FNDC3B: variants seen among roughly 807,000 people sequenced by gnomAD.
The protein encoded by FNDC3B is fibronectin type III domain containing 3B, also known as fibronectin type III domain-containing protein 3B.
Under a neutral mutation model 151.5 loss-of-function variants are expected in FNDC3B, and 12 were observed. That is an observed-to-expected ratio of 0.08 (90% CI 0.05 to 0.13). The LOEUF (loss-of-function observed/expected upper bound fraction) is 0.13. FNDC3B is among the 10% of genes least tolerant of loss of function. The probability of loss-of-function intolerance (pLI) is 1.00; values close to 1 mark genes in which losing one functional copy is unlikely to be tolerated. For synonymous variants in FNDC3B, 528 were observed against 549.0 expected (o/e 0.96, Z 0.54); for missense variants, 1,214 against 1,505.3 (o/e 0.81, Z 3.20).
intron 25 of FNDC3B, among the ~76,000 whole-genome samples, chr3:172,392,504 C>T (rs939079996): frequency 1.3e-5 from 2 of 152,232 alleles, no homozygotes; most frequent in East Asian, 1.9e-4. Context: ...GCCTGGCCTC[C>T]GTTCCAGACC....
At chr3:172,119,739 C>G (rs904348690) in intron 2 of FNDC3B, among the ~76,000 whole-genome samples, 2 of 152,184 alleles carry the variant, frequency 1.3e-5, no homozygotes, top group African/African-American at 4.8e-5. Flanking sequence ...ACTTCTGCTA[C>G]TTAGTGTCTT....
At position 172,215,988 on chromosome 3, in the gene FNDC3B, G is replaced by C. The variant is rs188257354; in HGVS notation, c.188-10883G>C. On this transcript the variant is annotated intron_variant, in intron 3 of 25. Coordinates refer to ENST00000415807, the MANE Select transcript of FNDC3B (RefSeq NM_022763.4). Reference sequence around the variant, plus strand: ...CCTATTCACCTCTCCTGGGAACTCCGTCTTGAGTTTGTTATTAGCTGAAAT... The same window carrying C: ...CCTATTCACCTCTCCTGGGAACTCCCTCTTGAGTTTGTTATTAGCTGAAAT... Among the ~76,000 whole-genome samples the C allele has an allele frequency of 1.5e-4, 22 of 147,900 alleles. No individual in the cohort carries two copies. In the East Asian group the frequency reaches 4.1e-3, roughly 27 times the overall value.
chr3:172,186,870 G>A (rs992662530), intron 3 of FNDC3B: 1 of 588,522 alleles, frequency 1.7e-6, no homozygotes, highest in Non-Finnish European at 3.0e-6. Flanking sequence ...GGATTAAGTG[G>A]CCCACAGTCA....
At chr3:172,147,932 G>T (rs1209091309) in intron 3 of FNDC3B, among the ~76,000 whole-genome samples, 2 of 152,002 alleles carry the variant, frequency 1.3e-5, no homozygotes, top group South Asian at 2.1e-4. Context: ...TGACTTAAAA[G>T]ATTATTATTT....
intron 6 of FNDC3B, among the ~76,000 whole-genome samples, chr3:172,270,948 C>T (rs1042816269): frequency 6.6e-6 from 1 of 152,110 alleles, no homozygotes; most frequent in African/African-American, 2.4e-5. Flanking sequence ...AGTATGAAAC[C>T]CTTTTTTGAG....
At chr3:172,107,185 G>T (rs1490797949) in intron 1 of FNDC3B, among the ~76,000 whole-genome samples, 1 of 152,132 alleles carries the variant, frequency 6.6e-6, no homozygotes, top group Non-Finnish European at 1.5e-5. Context: ...AAGCACTTGC[G>T]GTTTTAGTGT....
chr3:172,074,266 G>A (rs887001613), intron 1 of FNDC3B, among the ~76,000 whole-genome samples: 5 of 152,154 alleles, frequency 3.3e-5, no homozygotes, highest in Non-Finnish European at 5.9e-5. Context: ...CCACAATTCC[G>A]CTAGGCTAGT....
At chr3:172,355,880 C>G (rs1734071401) in intron 22 of FNDC3B, among the ~76,000 whole-genome samples, 1 of 152,170 alleles carries the variant, frequency 6.6e-6, no homozygotes, top group African/African-American at 2.4e-5. Context: ...CAGGAATGGT[C>G]TGGTTGGCTG....
At chr3:172,181,672 T>C (rs1392540374) in intron 3 of FNDC3B, among the ~76,000 whole-genome samples, 1 of 151,220 alleles carries the variant, frequency 6.6e-6, no homozygotes, top group Non-Finnish European at 1.5e-5. Flanking sequence ...CTACTAAAAA[T>C]ACAAAAATTA....
Position 172,317,435 on chromosome 3 carries a change from C to T in FNDC3B, c.1254+6554C>T, listed in dbSNP as rs561254528. Among the ~76,000 whole-genome samples, 15 of 152,198 alleles carry T rather than the reference C, an allele frequency of 9.9e-5. 1 individual carries two copies. In the South Asian group the frequency reaches 2.5e-3, roughly 25 times the overall value. On this transcript the variant is annotated intron_variant, in intron 11 of 25. Transcript: ENST00000415807. ...TCCTGACCTCGTGATCCGCCTGCCT[C>T]GGCCTCCCAAAGTGCTGGGATTACA...
chr3:172,055,921 T>G (rs954940041), intron 1 of FNDC3B, among the ~76,000 whole-genome samples: 1 of 151,690 alleles, frequency 6.6e-6, no homozygotes, highest in African/African-American at 2.4e-5. Context: ...GCTGGGACTA[T>G]AGGCGCCCGC....
intron 3 of FNDC3B, among the ~76,000 whole-genome samples, chr3:172,148,963 A>G (rs1362524712): frequency 2.0e-5 from 3 of 152,242 alleles, no homozygotes; most frequent in African/African-American, 7.2e-5. Flanking sequence ...TTAGAAGGCA[A>G]GTAATTAACC....
intron 22 of FNDC3B, among the ~76,000 whole-genome samples, chr3:172,356,134 G>T (rs1016432592): frequency 1.3e-5 from 2 of 152,214 alleles, no homozygotes; most frequent in African/African-American, 4.8e-5. Context: ...ATGTTAGGCT[G>T]CCCAGAAGTG....
chr3:172,118,387 C>T lies in FNDC3B; in HGVS notation c.111+5797C>T, dbSNP rs1017388072. Among the ~76,000 whole-genome samples the T allele has an allele frequency of 5.9e-5, 9 of 152,266 alleles. No individual in the cohort carries two copies. In the South Asian group the frequency reaches 6.2e-4, roughly 11 times the overall value. ...CTGATAGCCACGGTGTCGGGGGACC[C>T]GTGAAGAGTTTTGCTTACATAACAG... On this transcript the variant is annotated intron_variant, in intron 2 of 25. Transcript: ENST00000415807.
rs149452533 is a variant in FNDC3B at position 172,294,279 on chromosome 3, G to A, written c.850-1084G>A. On this transcript the variant is annotated intron_variant, in intron 7 of 25. Coordinates refer to ENST00000415807, the MANE Select transcript of FNDC3B (RefSeq NM_022763.4). ...GTCTGTTCTCGCATTGCTATGAAGA[G>A]CTACCTGAGATTGGGTAATTTATGA... Among the ~76,000 whole-genome samples the A allele has an allele frequency of 5.3e-4, 80 of 152,274 alleles. 3 individuals carry two copies. The highest frequency in any genetic ancestry group is 1.9e-3 in the African/African-American group (77 of 41,548).
chr3:172,247,888 G>GT, intron 5 of FNDC3B, 112 bp downstream of exon 5: 1 of 1,253,616 alleles, frequency 8.0e-7, no homozygotes, highest in Non-Finnish European at 1.1e-6. Flanking sequence ...AAGGATCTAG[G>GT]TGGTTTGTAA....
At chr3:172,346,100 A>C (rs1733600639) in intron 19 of FNDC3B, 2 of 278,974 alleles carry the variant, frequency 7.2e-6, no homozygotes, top group Middle Eastern at 1.0e-3. Flanking sequence ...TAATTATTTT[A>C]CAATTAAAAA....
chr3:172,198,350 G>A (rs1724958711), intron 3 of FNDC3B, among the ~76,000 whole-genome samples: 2 of 152,150 alleles, frequency 1.3e-5, no homozygotes, highest in Non-Finnish European at 2.9e-5. Context: ...ATACTTGAAT[G>A]TATGTATGAA....
intron 1 of FNDC3B, among the ~76,000 whole-genome samples, chr3:172,107,398 T>G (rs181758128): frequency 4.5e-4 from 69 of 152,308 alleles, no homozygotes; most frequent in African/African-American, 1.5e-3. Flanking sequence ...TTATTAGTTT[T>G]GCAGTGCATT....
Sources: gnomAD v4.1 joint callset for allele counts (sites outside exome capture counted in the v4.1 genomes callset) on GRCh38, gnomAD v4.1.1 for gene constraint, MANE v1.5 for transcripts, NCBI Gene and HGNC (gene_info 2026-07-23, HGNC 2026-07-21) for gene names.